MEIS1: variants seen among roughly 807,000 people sequenced by gnomAD.
The protein encoded by MEIS1 is homeobox protein Meis1.
In MEIS1, 5 loss-of-function variants were observed where a neutral mutation model predicts 50.8. That is an observed-to-expected ratio of 0.10 (90% CI 0.05 to 0.21). The LOEUF is 0.21. Among genes scored for constraint, MEIS1 ranks in the 10% least tolerant of loss-of-function variants. MEIS1 has a pLI of 1.00. For synonymous variants in MEIS1, 176 were observed against 179.3 expected (o/e 0.98, Z 0.15); for missense variants, 318 against 517.3 (o/e 0.61, Z 3.74).
chr2:66,501,471 A>T (rs1673555763), intron 7 of MEIS1, among the ~76,000 whole-genome samples: 1 of 151,938 alleles, frequency 6.6e-6, no homozygotes. Flanking sequence ...AATGCTGAAT[A>T]GATGAAAAAT....
At chr2:66,479,294 T>C (rs1237453556) in intron 7 of MEIS1, among the ~76,000 whole-genome samples, 2 of 152,260 alleles carry the variant, frequency 1.3e-5, no homozygotes, top group Non-Finnish European at 2.9e-5. Flanking sequence ...AGAAAATGTT[T>C]TATTCCCAGA....
chr2:66,441,538 C>A, intron 5 of MEIS1, 74 bp downstream of exon 5: 1 of 1,252,254 alleles, frequency 8.0e-7, no homozygotes, highest in Non-Finnish European at 1.1e-6. Flanking sequence ...TTCCGAATGG[C>A]TGAAGTTCAG....
chr2:66,538,549 C>T (rs1362817346), intron 8 of MEIS1, among the ~76,000 whole-genome samples: 1 of 152,188 alleles, frequency 6.6e-6, no homozygotes, highest in Non-Finnish European at 1.5e-5. Flanking sequence ...TCTACTCCTA[C>T]TCACAAATGC....
chr2:66,498,194 A>G (rs2103822718), intron 7 of MEIS1, among the ~76,000 whole-genome samples: 1 of 152,278 alleles, frequency 6.6e-6, no homozygotes, highest in East Asian at 1.9e-4. Flanking sequence ...TAGCAAAACA[A>G]ACATAAGAAC....
chr2:66,555,537 C>T (rs1026644291), intron 9 of MEIS1, among the ~76,000 whole-genome samples: 2 of 152,164 alleles, frequency 1.3e-5, no homozygotes, highest in African/African-American at 4.8e-5. Context: ...AAGCTTTAGA[C>T]ATTAGTAGTT....
chr2:66,509,913 G>A (rs904738933), intron 7 of MEIS1, among the ~76,000 whole-genome samples: 2 of 152,146 alleles, frequency 1.3e-5, no homozygotes. Context: ...TCTCTTCTAG[G>A]CAGGCACTAT....
At chr2:66,514,511 G>T (rs1673914205) in intron 8 of MEIS1, among the ~76,000 whole-genome samples, 1 of 152,132 alleles carries the variant, frequency 6.6e-6, no homozygotes, top group Non-Finnish European at 1.5e-5. Flanking sequence ...TGAGGTCTTT[G>T]CTGGCCTGTG....
intron 5 of MEIS1, chr2:66,442,636 A>G: frequency 2.6e-6 from 1 of 391,496 alleles, no homozygotes; most frequent in African/African-American, 2.1e-5. Flanking sequence ...CCACAGCCCC[A>G]GGAGCAGATG....
At chr2:66,529,827 T>A (rs1449254015) in intron 8 of MEIS1, among the ~76,000 whole-genome samples, 1 of 152,214 alleles carries the variant, frequency 6.6e-6, no homozygotes, top group Non-Finnish European at 1.5e-5. Context: ...TGTTTACATA[T>A]ACAATTGAAT....
At chr2:66,436,610 G>C (rs1251919967) in intron 1 of MEIS1, among the ~76,000 whole-genome samples, 1 of 152,168 alleles carries the variant, frequency 6.6e-6, no homozygotes, top group Non-Finnish European at 1.5e-5. Context: ...GGCCCTCAAA[G>C]CCCTGTTTGC....
chr2:66,529,993 G>A (rs1014970633), intron 8 of MEIS1, among the ~76,000 whole-genome samples: 7 of 152,122 alleles, frequency 4.6e-5, no homozygotes, highest in African/African-American at 1.7e-4. Context: ...TGGAGGGGAG[G>A]GTGATGGGAC....
intron 8 of MEIS1, among the ~76,000 whole-genome samples, chr2:66,546,187 G>A (rs75313256): frequency 0.04 from 6,087 of 152,234 alleles, 207 homozygotes; most frequent in East Asian, 0.16. Flanking sequence ...GCGTGATAAG[G>A]CGGGGTGCTG....
intron 9 of MEIS1, among the ~76,000 whole-genome samples, chr2:66,561,812 T>TA (rs1459048366): frequency 1.3e-5 from 2 of 152,310 alleles, no homozygotes; most frequent in East Asian, 1.9e-4. Flanking sequence ...ACAGTTCACT[T>TA]ACGCCTAGTT....
intron 6 of MEIS1, among the ~76,000 whole-genome samples, chr2:66,453,545 TAATG>T (rs1310432986): frequency 1.3e-5 from 2 of 151,902 alleles, no homozygotes; most frequent in Admixed American, 1.3e-4. Context: ...CCAAGATAAA[TAATG>T]AAGGAAGGGA....
At chr2:66,469,777 T>C (rs893562648) in intron 7 of MEIS1, among the ~76,000 whole-genome samples, 1 of 152,276 alleles carries the variant, frequency 6.6e-6, no homozygotes, top group East Asian at 1.9e-4. Context: ...TTCTTTCCTA[T>C]GGACAACTTG....
intron 9 of MEIS1, among the ~76,000 whole-genome samples, chr2:66,561,194 C>T (rs1363593093): frequency 6.6e-6 from 1 of 151,924 alleles, no homozygotes. Context: ...AGACCTCTTT[C>T]CCTGAGGGTT....
At chr2:66,526,429 G>A (rs1030629322) in intron 8 of MEIS1, among the ~76,000 whole-genome samples, 1 of 152,182 alleles carries the variant, frequency 6.6e-6, no homozygotes, top group Non-Finnish European at 1.5e-5. Flanking sequence ...AGCTGGCAGG[G>A]TGCCTACTTT....
chr2:66,500,269 C>T lies in MEIS1; in HGVS notation c.743-11880C>T, dbSNP rs192896726. Among the ~76,000 whole-genome samples the T allele has an allele frequency of 3.3e-5, 5 of 152,266 alleles. No individual in the cohort carries two copies. In the East Asian group the frequency reaches 9.6e-4, roughly 29 times the overall value. ...CTTGGAGCTTTAACAGTCACTAATG[C>T]TGAAATCTTACCCCACCTCCCAAAC... is the stretch of plus-strand genomic sequence containing the variant. On this transcript the variant is annotated intron_variant, in intron 7 of 12. Coordinates refer to ENST00000272369, the MANE Select transcript of MEIS1 (RefSeq NM_002398.3).
At chr2:66,530,648 G>A (rs549471422) in intron 8 of MEIS1, among the ~76,000 whole-genome samples, 16 of 151,928 alleles carry the variant, frequency 1.1e-4, no homozygotes, top group African/African-American at 3.4e-4. Context: ...CCTGGGAGGC[G>A]GAGCTTGCAG....
Sources: gnomAD v4.1 joint callset for allele counts (sites outside exome capture counted in the v4.1 genomes callset) on GRCh38, gnomAD v4.1.1 for gene constraint, MANE v1.5 for transcripts, NCBI Gene and HGNC (gene_info 2026-07-23, HGNC 2026-07-21) for gene names.